The following GRM7 variants were observed in gnomAD, a reference collection of about 807,000 sequenced individuals.
GRM7 encodes the protein metabotropic glutamate receptor 7.
Under a neutral mutation model 84.5 loss-of-function variants are expected in GRM7, and 35 were observed. The observed-to-expected ratio is 0.41, with a 90% confidence interval of 0.32 to 0.55. GRM7 has a LOEUF of 0.55. GRM7 is among the 20% of genes least tolerant of loss of function. The pLI is 0.19. For missense variants in GRM7, 1,003 were observed against 1,194.6 expected (o/e 0.84, Z 2.36); for synonymous variants, 487 against 455.1 (o/e 1.07, Z -0.89).
chr3:7,468,723 C>T (rs1158979898), intron 7 of GRM7, among the ~76,000 whole-genome samples: 2 of 152,024 alleles, frequency 1.3e-5, no homozygotes, highest in East Asian at 1.9e-4. Flanking sequence ...GGTGGTTTCC[C>T]ACATGCTGAT....
At chr3:7,440,694 G>A (rs2124870253) in intron 5 of GRM7, among the ~76,000 whole-genome samples, 1 of 152,214 alleles carries the variant, frequency 6.6e-6, no homozygotes, top group South Asian at 2.1e-4. Flanking sequence ...CCTTCTTTGT[G>A]TCTATGTGTG....
intron 4 of GRM7, among the ~76,000 whole-genome samples, chr3:7,379,275 A>G (rs986868642): frequency 3.3e-5 from 5 of 152,044 alleles, no homozygotes; most frequent in African/African-American, 1.2e-4. Context: ...GGGTTTCACC[A>G]TGTTGCCCAG....
At chr3:7,105,644 T>C (rs1699266841) in intron 1 of GRM7, among the ~76,000 whole-genome samples, 1 of 151,938 alleles carries the variant, frequency 6.6e-6, no homozygotes, top group Admixed American at 6.6e-5. Context: ...TTCTTATTTA[T>C]TGTTTTTGTT....
chr3:7,673,355 T>G (rs192121871), intron 8 of GRM7, among the ~76,000 whole-genome samples: 8 of 152,332 alleles, frequency 5.3e-5, no homozygotes, highest in Admixed American at 1.3e-4. Context: ...AAGTGCATAC[T>G]CTGCAGCAGA....
At chr3:7,686,018 A>AT (rs1425681536) in intron 9 of GRM7, among the ~76,000 whole-genome samples, 3 of 152,198 alleles carry the variant, frequency 2.0e-5, no homozygotes, top group Non-Finnish European at 4.4e-5. Flanking sequence ...GCTGGACAGC[A>AT]TGACTGGACT....
chr3:7,527,740 A>T (rs1389430648), intron 7 of GRM7, among the ~76,000 whole-genome samples: 2 of 151,994 alleles, frequency 1.3e-5, no homozygotes, highest in Admixed American at 6.6e-5. Context: ...TCATGAAAAG[A>T]TGTTGAATGC....
intron 4 of GRM7, among the ~76,000 whole-genome samples, chr3:7,401,802 T>C (rs1014553306): frequency 2.0e-5 from 3 of 152,122 alleles, no homozygotes; most frequent in Non-Finnish European, 2.9e-5. Flanking sequence ...TTCTTGGCCA[T>C]CTCCTTGAGA....
intron 9 of GRM7, among the ~76,000 whole-genome samples, chr3:7,685,717 A>G (rs1483063836): frequency 6.6e-6 from 1 of 152,152 alleles, no homozygotes; most frequent in Non-Finnish European, 1.5e-5. Flanking sequence ...ATAAATAACA[A>G]CTTGTGCTGT....
chr3:6,983,762 A>T (rs1471509332), intron 1 of GRM7, among the ~76,000 whole-genome samples: 3 of 150,266 alleles, frequency 2.0e-5, no homozygotes, highest in African/African-American at 4.9e-5. Flanking sequence ...TAAGCACATT[A>T]TTTTTTTTCT....
At chr3:7,078,207 G>C (rs1261773756) in intron 1 of GRM7, among the ~76,000 whole-genome samples, 1 of 152,134 alleles carries the variant, frequency 6.6e-6, no homozygotes, top group Non-Finnish European at 1.5e-5. Flanking sequence ...AACTCTCCTA[G>C]GCTTGATTTC....
At chr3:7,706,443 T>TTG (rs1701391162) in intron 9 of GRM7, among the ~76,000 whole-genome samples, 1 of 152,156 alleles carries the variant, frequency 6.6e-6, no homozygotes, top group Non-Finnish European at 1.5e-5. Flanking sequence ...ACTGCAAGTT[T>TTG]GGAGGGAAGA....
At chr3:7,456,942 T>C (rs929156393) in intron 6 of GRM7, among the ~76,000 whole-genome samples, 1 of 152,146 alleles carries the variant, frequency 6.6e-6, no homozygotes, top group Admixed American at 6.5e-5. Flanking sequence ...GTTTTACTCA[T>C]TCAATTTTCT....
chr3:7,181,228 A>T (rs1455973117), intron 2 of GRM7, among the ~76,000 whole-genome samples: 1 of 152,200 alleles, frequency 6.6e-6, no homozygotes, highest in Non-Finnish European at 1.5e-5. Flanking sequence ...ATGAGGGGAC[A>T]TATGGCATCC....
intron 1 of GRM7, among the ~76,000 whole-genome samples, chr3:7,020,772 TA>T (rs1695748845): frequency 6.6e-6 from 1 of 152,186 alleles, no homozygotes; most frequent in East Asian, 1.9e-4. Flanking sequence ...CAAATTTTTT[TA>T]GAGTTCCTAC....
intron 4 of GRM7, among the ~76,000 whole-genome samples, chr3:7,390,342 C>A (rs1694943569): frequency 1.3e-5 from 2 of 151,980 alleles, no homozygotes; most frequent in South Asian, 4.1e-4. Flanking sequence ...GGTTGATTGT[C>A]TTGTATCTCA....
rs571364085 is a variant in GRM7 at position 7,550,647 on chromosome 3, C to T, written c.1516-27775C>T. ...TTCTCCTTCCACCACACTGAGGCCT[C>T]CTCACCTCACATGAGCCAACTGGGC... On this transcript the variant is annotated intron_variant, in intron 7 of 9. Coordinates refer to ENST00000357716, the MANE Select transcript of GRM7 (RefSeq NM_000844.4). Among the ~76,000 whole-genome samples the T allele has an allele frequency of 3.4e-5, 5 of 146,346 alleles. No individual in the cohort carries two copies. The East Asian group carries it at 1.0e-3, about 30-fold the overall frequency.
At chr3:7,276,288 G>T (rs2124986581) in intron 2 of GRM7, among the ~76,000 whole-genome samples, 1 of 144,532 alleles carries the variant, frequency 6.9e-6, no homozygotes, top group African/African-American at 2.5e-5. Context: ...ACATTGCTTT[G>T]ATCTAAGGTA....
rs150358285 is a variant in GRM7 at position 6,940,938 on chromosome 3, C to T, written c.519+79031C>T. 1.6e-3 allele frequency among the ~76,000 whole-genome samples: 251 copies of T among 152,304 alleles called. 4 individuals carry two copies. The highest frequency in any genetic ancestry group is 5.0e-3 in the African/African-American group (208 of 41,574). ...CACTGCAGCTGGCTGCTGCAGAAATCGATGTCCACATGGGTTGAACGTTGA... is the reference window on the plus strand; with the variant it reads ...CACTGCAGCTGGCTGCTGCAGAAATTGATGTCCACATGGGTTGAACGTTGA... On this transcript the variant is annotated intron_variant, in intron 1 of 9. Coordinates refer to ENST00000357716, the MANE Select transcript of GRM7 (RefSeq NM_000844.4).
Position 7,704,248 on chromosome 3 carries a change from C to T in GRM7, c.2698+23953C>T, listed in dbSNP as rs1701315379. Among the ~76,000 whole-genome samples, 7 of 152,210 alleles carry T rather than the reference C, an allele frequency of 4.6e-5. No homozygotes were observed. In the South Asian group the frequency reaches 1.2e-3, roughly 27 times the overall value. The stretch of plus-strand genomic sequence containing the variant: ...GTTTATTTTGTATCAAACTTCAAAA[C>T]CTAGTATTTTCAACGTTTTAAAATA... On this transcript the variant is annotated intron_variant, in intron 9 of 9. Coordinates refer to ENST00000357716, the MANE Select transcript of GRM7 (RefSeq NM_000844.4).
Sources: gnomAD v4.1 joint callset for allele counts (sites outside exome capture counted in the v4.1 genomes callset) on GRCh38, gnomAD v4.1.1 for gene constraint, MANE v1.5 for transcripts, NCBI Gene and HGNC (gene_info 2026-07-23, HGNC 2026-07-21) for gene names.